Variants in SPAM1 observed in about 807,000 individuals in gnomAD.
The protein encoded by SPAM1 is sperm adhesion molecule 1, also known as hyaluronidase PH-20.
In SPAM1, 22 loss-of-function variants were observed where a neutral mutation model predicts 29.6. The ratio of observed to expected loss-of-function variants is 0.74; its 90% CI spans 0.53 to 1.06. The LOEUF (loss-of-function observed/expected upper bound fraction) is 1.06. SPAM1 is among the 50% of genes least tolerant of loss of function. The pLI, the probability that SPAM1 is intolerant of heterozygous loss-of-function variation, is 0.00. For missense variants in SPAM1, 534 were observed against 604.0 expected, an observed-to-expected ratio of 0.88 and a Z score of 1.21; for synonymous variants, 194 against 204.6, an observed-to-expected ratio of 0.95 and a Z score of 0.44.
At chr7:123,934,803 G>A (rs535301262) in intron 1 of SPAM1, among the ~76,000 whole-genome samples, 4 of 152,286 alleles carry the variant, frequency 2.6e-5, no homozygotes, top group South Asian at 2.1e-4. Flanking sequence ...TAGAGGCAGA[G>A]AGTAGAATAG....
intron 1 of SPAM1, among the ~76,000 whole-genome samples, chr7:123,937,883 A>G (rs900581679): frequency 3.9e-5 from 6 of 152,128 alleles, no homozygotes; most frequent in Non-Finnish European, 8.8e-5. Flanking sequence ...TAGAAAGTAA[A>G]AGGTAAAAAG....
chr7:123,931,536 C>A (rs1808079053), intron 1 of SPAM1, among the ~76,000 whole-genome samples: 2 of 152,176 alleles, frequency 1.3e-5, no homozygotes, highest in Non-Finnish European at 2.9e-5. Context: ...AGATCCTACC[C>A]TTTTTGTCCA....
downstream of SPAM1, among the ~76,000 whole-genome samples, chr7:123,961,421 G>A (rs1025914903): frequency 6.6e-6 from 1 of 151,864 alleles, no homozygotes; most frequent in Non-Finnish European, 1.5e-5. Context: ...TGAGATGCTT[G>A]TCTTTCTGTG....
chr7:123,941,114 A>G (rs1371880569), intron 1 of SPAM1, among the ~76,000 whole-genome samples: 4 of 152,182 alleles, frequency 2.6e-5, no homozygotes, highest in African/African-American at 9.7e-5. Context: ...GGATTTCATT[A>G]TTTATTTGGC....
chr7:123,966,573 G>C (rs983158209), intron 5 of SPAM1, among the ~76,000 whole-genome samples: 4 of 152,042 alleles, frequency 2.6e-5, no homozygotes, highest in African/African-American at 9.7e-5. Flanking sequence ...ATACACCATG[G>C]AATACTATGA....
Position 123,952,818 on chromosome 7 carries a change from GT to G in SPAM1, c.-206-542del, listed in dbSNP as rs1368747835. ...GAGCCTTTCAGCTTGTTTGGTAGAA[GT>G]TTTTGGTTGATTCAATAAATTCAAC... On this transcript the variant is annotated intron_variant, in intron 2 of 4. Coordinates refer to ENST00000682466, the MANE Select transcript of SPAM1 (RefSeq NM_153189.3). Among the ~76,000 whole-genome samples the G allele has an allele frequency of 2.0e-5, 3 of 148,818 alleles. 1 individual carries two copies. In the East Asian group the frequency reaches 6.1e-4, roughly 30 times the overall value.
intron 2 of SPAM1, among the ~76,000 whole-genome samples, chr7:123,951,576 T>TAG (rs1808767421): frequency 6.6e-6 from 1 of 152,138 alleles, no homozygotes; most frequent in African/African-American, 2.4e-5. Context: ...CTTCTATGGG[T>TAG]AGAGACGTTC....
At chr7:123,937,384 A>T (rs191969822) in intron 1 of SPAM1, among the ~76,000 whole-genome samples, 1 of 152,000 alleles carries the variant, frequency 6.6e-6, no homozygotes, top group Non-Finnish European at 1.5e-5. Flanking sequence ...GGCGGATCAC[A>T]AAGTCAGGAG....
intron 1 of SPAM1, among the ~76,000 whole-genome samples, chr7:123,946,676 G>A (rs893898283): frequency 1.3e-5 from 2 of 152,040 alleles, no homozygotes; most frequent in Non-Finnish European, 2.9e-5. Context: ...TGAGGTGGGG[G>A]GCTTCCAAAT....
chr7:123,970,274 A>T lies in SPAM1; in HGVS notation c.*26A>T, dbSNP rs377373878. 12 of 1,547,112 alleles carry T rather than the reference A, an allele frequency of 7.8e-6. No homozygotes were observed. In the East Asian group the frequency reaches 1.5e-4, roughly 19 times the overall value. The stretch of plus-strand genomic sequence containing the variant: ...GAGTCATGAGGGAAAAATGTGTTTC[A>T]GGCCTCTTCCCTTGGCTTACAGGTG... On this transcript the variant is annotated 3_prime_UTR_variant, in exon 6 of 7. Coordinates refer to the SPAM1 transcript ENST00000340011.
At chr7:123,942,661 C>T (rs565973479) in intron 1 of SPAM1, among the ~76,000 whole-genome samples, 34 of 152,230 alleles carry the variant, frequency 2.2e-4, no homozygotes, top group African/African-American at 7.0e-4. Flanking sequence ...GGAGTGAATT[C>T]CTCACCTCAA....
At chr7:123,967,552 C>T (rs1008704507) in intron 5 of SPAM1, among the ~76,000 whole-genome samples, 19 of 151,522 alleles carry the variant, frequency 1.3e-4, no homozygotes, top group Non-Finnish European at 7.4e-5. Context: ...AAGTAGACTC[C>T]AATATAGTAT....
downstream of SPAM1, among the ~76,000 whole-genome samples, chr7:123,960,382 T>C (rs1389550024): frequency 2.0e-5 from 3 of 151,960 alleles, no homozygotes; most frequent in African/African-American, 7.2e-5. Flanking sequence ...CAGTAACATG[T>C]AGAGTGCTTG....
At chr7:123,962,163 C>A (rs1792368064), downstream of SPAM1, among the ~76,000 whole-genome samples, 1 of 151,940 alleles carries the variant, frequency 6.6e-6, no homozygotes, top group South Asian at 2.1e-4. Flanking sequence ...TCCCTTTTCC[C>A]ACATCCTTGC....
At chr7:123,928,963 T>C (rs557490737) in intron 1 of SPAM1, among the ~76,000 whole-genome samples, 2 of 152,234 alleles carry the variant, frequency 1.3e-5, no homozygotes, top group African/African-American at 4.8e-5. Flanking sequence ...TGTTAATTTT[T>C]CCCCCTCCTG....
intron 1 of SPAM1, among the ~76,000 whole-genome samples, chr7:123,942,672 G>A (rs1375807173): frequency 2.6e-5 from 4 of 152,104 alleles, no homozygotes; most frequent in African/African-American, 9.7e-5. Flanking sequence ...CTCACCTCAA[G>A]GTCCCAAGGA....
chr7:123,940,903 A>T (rs755901574), intron 1 of SPAM1, among the ~76,000 whole-genome samples: 2 of 152,210 alleles, frequency 1.3e-5, no homozygotes, highest in African/African-American at 2.4e-5. Context: ...TTCATGTTAA[A>T]TATTGAGTCA....
chr7:123,949,186 G>A (rs1406428082), intron 1 of SPAM1, among the ~76,000 whole-genome samples: 1 of 152,036 alleles, frequency 6.6e-6, no homozygotes, highest in Non-Finnish European at 1.5e-5. Flanking sequence ...ATGGTTATTT[G>A]TCTTTCCTCA....
intron 1 of SPAM1, among the ~76,000 whole-genome samples, chr7:123,928,176 T>A (rs1271462622): frequency 6.6e-6 from 1 of 152,188 alleles, no homozygotes; most frequent in African/African-American, 2.4e-5. Context: ...TTATTTTTCA[T>A]CTTGAGAGTA....
Sources: gnomAD v4.1 joint callset for allele counts (sites outside exome capture counted in the v4.1 genomes callset) on GRCh38, gnomAD v4.1.1 for gene constraint, MANE v1.5 for transcripts, NCBI Gene and HGNC (gene_info 2026-07-23, HGNC 2026-07-21) for gene names.